The following NRXN3 variants were observed in gnomAD, a reference collection of about 807,000 sequenced individuals.
NRXN3 encodes neurexin III.
A neutral mutation model predicts 137.6 loss-of-function variants in NRXN3; 32 were observed. The ratio of observed to expected loss-of-function variants is 0.23; its 90% CI spans 0.18 to 0.31. NRXN3 has a LOEUF of 0.31. NRXN3 is among the 10% of genes least tolerant of loss of function. NRXN3 has a pLI of 1.00. For missense variants in NRXN3, 1,574 were observed against 2,062.5 expected, an observed-to-expected ratio of 0.76 and a Z score of 4.59; for synonymous variants, 798 against 784.5, an observed-to-expected ratio of 1.02 and a Z score of -0.29.
intron 17 of NRXN3, among the ~76,000 whole-genome samples, chr14:79,666,996 T>A (rs895793279): frequency 6.6e-6 from 1 of 152,018 alleles, no homozygotes; most frequent in Non-Finnish European, 1.5e-5. Context: ...CTAGGAGCGG[T>A]TCACTTTTTG....
intron 15 of NRXN3, among the ~76,000 whole-genome samples, chr14:79,001,337 C>T (rs529924715): frequency 1.3e-5 from 2 of 152,302 alleles, no homozygotes; most frequent in South Asian, 2.1e-4. Context: ...TTCCTCTGCT[C>T]GTGAACCTTC....
intron 15 of NRXN3, among the ~76,000 whole-genome samples, chr14:79,381,639 C>T (rs2094473604): frequency 6.6e-6 from 1 of 152,176 alleles, no homozygotes; most frequent in Non-Finnish European, 1.5e-5. Flanking sequence ...TCAAAAGGAA[C>T]TTGCTTACTT....
intron 11 of NRXN3, 38 bp downstream of exon 11, chr14:78,957,399 C>A: frequency 6.3e-7 from 1 of 1,579,928 alleles, no homozygotes; most frequent in South Asian, 1.1e-5. Context: ...TGTCTTTTCT[C>A]TCAGTCCTCT....
In NRXN3 at chr14:79,651,531, G is replaced by A. The variant is rs1190440823; in HGVS notation, c.3445-12247G>A. On this transcript the variant is annotated intron_variant, in intron 16 of 20. Coordinates refer to ENST00000335750, the MANE Select transcript of NRXN3 (RefSeq NM_001330195.2). ...TTTCTTCCCTCACAATGCTCATGGT[G>A]TGACAGGAAAAAAAAAGAATTGTTC... Among the ~76,000 whole-genome samples, 3 of 151,988 alleles carry A rather than the reference G, an allele frequency of 2.0e-5. No homozygotes were observed. In the East Asian group the frequency reaches 5.8e-4, roughly 29 times the overall value.
At chr14:78,171,044 C>CT (rs763264126) in intron 1 of NRXN3, among the ~76,000 whole-genome samples, 84 of 140,934 alleles carry the variant, frequency 6.0e-4, no homozygotes, top group African/African-American at 2.0e-3. Flanking sequence ...TGGGCAGATA[C>CT]TTTTTTTTTG....
chr14:78,561,790 G>A (rs1317520628), intron 4 of NRXN3, among the ~76,000 whole-genome samples: 1 of 152,178 alleles, frequency 6.6e-6, no homozygotes, highest in East Asian at 1.9e-4. Context: ...AAGACCTGTT[G>A]GTTTTCCTTG....
chr14:78,856,375 T>A (rs745514805), intron 10 of NRXN3, among the ~76,000 whole-genome samples: 1 of 152,170 alleles, frequency 6.6e-6, no homozygotes, highest in Non-Finnish European at 1.5e-5. Flanking sequence ...ATTTAGAGGG[T>A]ATATTCAAAA....
intron 3 of NRXN3, among the ~76,000 whole-genome samples, chr14:78,287,805 T>A (rs1348339150): frequency 2.6e-5 from 4 of 151,524 alleles, no homozygotes; most frequent in Admixed American, 2.6e-4. Flanking sequence ...CATCTCCAGT[T>A]TTTTTTTTAA....
rs530922286 is a variant in NRXN3, at chr14:78,224,338, A to C, written c.-703-18053A>C. ...TGTGCACAATGTGCAGGTTAGTTAC[A>C]TATGTATACATGTGCCATGCTGGTG... On this transcript the variant is annotated intron_variant, in intron 1 of 20. Coordinates refer to ENST00000335750, the MANE Select transcript of NRXN3 (RefSeq NM_001330195.2). 6.6e-5 allele frequency among the ~76,000 whole-genome samples: 10 copies of C among 152,086 alleles called. No individual in the cohort carries two copies. In the East Asian group the frequency reaches 1.9e-3, roughly 29 times the overall value.
intron 8 of NRXN3, among the ~76,000 whole-genome samples, chr14:78,746,173 G>A (rs2098606266): frequency 6.6e-6 from 1 of 152,132 alleles, no homozygotes; most frequent in South Asian, 2.1e-4. Context: ...GGATACTCAA[G>A]GCTCATTAGA....
At chr14:78,493,589 C>A (rs551493199) in intron 4 of NRXN3, among the ~76,000 whole-genome samples, 44 of 151,846 alleles carry the variant, frequency 2.9e-4, no homozygotes, top group Admixed American at 1.4e-3. Flanking sequence ...GGAGGAATGA[C>A]AAATAGATTT....
chr14:79,646,186 G>T lies in NRXN3; in HGVS notation c.3445-17592G>T, dbSNP rs566154446. 2.2e-4 allele frequency among the ~76,000 whole-genome samples: 30 copies of T among 135,542 alleles called. 6 individuals carry two copies. In the South Asian group the frequency reaches 6.5e-3, roughly 29 times the overall value. 88.9% of individuals were successfully genotyped at this position (135,542 alleles called of 152,430 possible). A position where few individuals can be genotyped will look rare whatever the true frequency, so the allele number is the denominator to read the frequency against. ...GTTTCATTAGAGGCAGTGGTATCAT[G>T]ATTGCCTGGGCCATTGCAATAAATA... On this transcript the variant is annotated intron_variant, in intron 16 of 20. Coordinates refer to ENST00000335750, the MANE Select transcript of NRXN3 (RefSeq NM_001330195.2).
chr14:79,804,039 G>A (rs1443154517), intron 19 of NRXN3, among the ~76,000 whole-genome samples: 1 of 150,852 alleles, frequency 6.6e-6, no homozygotes, highest in Non-Finnish European at 1.5e-5. Context: ...CTGGCTTGTA[G>A]TAATTGCTCA....
At chr14:79,461,898 T>C (rs2096348387) in intron 15 of NRXN3, among the ~76,000 whole-genome samples, 1 of 152,146 alleles carries the variant, frequency 6.6e-6, no homozygotes, top group African/African-American at 2.4e-5. Flanking sequence ...CATTATGAGA[T>C]TTTATACTAA....
intron 15 of NRXN3, among the ~76,000 whole-genome samples, chr14:79,346,567 A>T (rs1168992342): frequency 1.3e-5 from 2 of 152,142 alleles, no homozygotes; most frequent in Non-Finnish European, 2.9e-5. Flanking sequence ...ACTGCCTGGA[A>T]ATCTTTACAT....
At chr14:78,808,913 A>G (rs2098893739) in intron 9 of NRXN3, among the ~76,000 whole-genome samples, 1 of 152,104 alleles carries the variant, frequency 6.6e-6, no homozygotes. Context: ...GCAGAAGAAG[A>G]GTACTTTGTG....
chr14:79,409,888 G>T (rs555603552), intron 15 of NRXN3, among the ~76,000 whole-genome samples: 1 of 151,606 alleles, frequency 6.6e-6, no homozygotes, highest in South Asian at 2.1e-4. Context: ...ATTAAGCATG[G>T]ACATTTTCTT....
At chr14:79,508,677 C>A (rs1048976125) in intron 16 of NRXN3, among the ~76,000 whole-genome samples, 8 of 151,728 alleles carry the variant, frequency 5.3e-5, no homozygotes, top group African/African-American at 1.9e-4. Context: ...CAGGTGTGAG[C>A]CACCGCGCCT....
intron 10 of NRXN3, among the ~76,000 whole-genome samples, chr14:78,859,069 T>C (rs375596166): frequency 1.3e-5 from 2 of 152,126 alleles, no homozygotes. Flanking sequence ...GGGGGGCGGT[T>C]TCCCCCATGC....
Sources: gnomAD v4.1 joint callset for allele counts (sites outside exome capture counted in the v4.1 genomes callset) on GRCh38, gnomAD v4.1.1 for gene constraint, MANE v1.5 for transcripts, NCBI Gene and HGNC (gene_info 2026-07-23, HGNC 2026-07-21) for gene names.